IFITM10: variants seen among roughly 807,000 people sequenced by gnomAD.
IFITM10 encodes the protein interferon-induced transmembrane protein 10.
A neutral mutation model predicts 19.0 loss-of-function variants in IFITM10; 17 were observed. The observed-to-expected ratio is 0.90, with a 90% CI of 0.61 to 1.34. The LOEUF (loss-of-function observed/expected upper bound fraction) is 1.34. Among genes scored for constraint, IFITM10 ranks in the 40% most tolerant of loss-of-function variants. The probability of loss-of-function intolerance (pLI) is 0.00; values close to 1 mark genes in which losing one functional copy is unlikely to be tolerated. For synonymous variants in IFITM10, 148 were observed against 147.2 expected (o/e 1.01, Z -0.04); for missense variants, 306 against 319.8 (o/e 0.96, Z 0.33).
intron 2 of IFITM10, among the ~76,000 whole-genome samples, chr11:1,742,151 G>T (rs889996162): frequency 6.6e-6 from 1 of 152,204 alleles, no homozygotes; most frequent in Admixed American, 6.5e-5. Context: ...AGGAAAGATG[G>T]GATGGATGTG....
intron 2 of IFITM10, among the ~76,000 whole-genome samples, chr11:1,743,740 C>A (rs1358065173): frequency 6.6e-6 from 1 of 152,116 alleles, no homozygotes; most frequent in Non-Finnish European, 1.5e-5. Flanking sequence ...TCCTCTCCCA[C>A]CCCCATCCCC....
chr11:1,749,376 T>A (rs1156572773), intron 1 of IFITM10, among the ~76,000 whole-genome samples: 2 of 151,680 alleles, frequency 1.3e-5, no homozygotes, highest in Non-Finnish European at 1.5e-5. Context: ...GACCAGGGTG[T>A]CCGCGCCACC....
intron 2 of IFITM10, among the ~76,000 whole-genome samples, chr11:1,739,699 G>A (rs112379545): frequency 0.012 from 1,850 of 152,212 alleles, 39 homozygotes; most frequent in African/African-American, 0.042. Flanking sequence ...CGGTGGCCAG[G>A]GAAGACCTTG....
At chr11:1,739,734 G>T (rs1297650146) in intron 2 of IFITM10, among the ~76,000 whole-genome samples, 1 of 152,150 alleles carries the variant, frequency 6.6e-6, no homozygotes, top group Non-Finnish European at 1.5e-5. Context: ...TTTGAGGAAA[G>T]ATCGGAAGAA....
intron 2 of IFITM10, among the ~76,000 whole-genome samples, chr11:1,743,926 T>C (rs549338089): frequency 0.012 from 1,758 of 152,262 alleles, 35 homozygotes; most frequent in African/African-American, 0.039. Flanking sequence ...TTCAAACCCG[T>C]TCACCGCACT....
At chr11:1,735,682 G>A (rs1298682705) in intron 2 of IFITM10, among the ~76,000 whole-genome samples, 1 of 152,242 alleles carries the variant, frequency 6.6e-6, no homozygotes, top group Non-Finnish European at 1.5e-5. Flanking sequence ...AAGTAGGTGA[G>A]ATGTATTTAT....
chr11:1,735,349 A>G lies in IFITM10; in HGVS notation c.618T>C (p.Ser206=). 2 of 1,551,698 alleles carry G rather than the reference A, an allele frequency of 1.3e-6. No homozygotes were observed. Among genetic ancestry groups the G allele is most frequent in the Non-Finnish European group, 1.7e-6 (2 of 1,146,964 alleles). ...AKTARLFNIT[S]SALAASCIIL... ...TGATGCAGGAGGCTGCCAGGGCAGA[A>G]CTGGTGATGTTGAACAGCCGGGCCG... The change falls in exon 3 of 3, where the codon AGT becomes AGC. Residue 206 remains serine, a synonymous_variant. Coordinates refer to ENST00000340134, the MANE Select transcript of IFITM10 (RefSeq NM_001170820.4).
At position 1,750,481 on chromosome 11, in the gene IFITM10, C is replaced by T. The variant is rs570348339; in HGVS notation, c.-39G>A. The T allele has an allele frequency of 2.6e-6, 4 of 1,550,114 alleles. No individual in the cohort carries two copies. The African/African-American group carries it at 4.1e-5, about 16-fold the overall frequency. ...CCATCCTCCCATGAAACTCCTTTCT[C>T]CTCTGCCACTCTCAACTGGCCTCCT... is the stretch of plus-strand genomic sequence containing the variant. On this transcript the variant is annotated 5_prime_UTR_variant, in exon 1 of 3. Transcript: ENST00000340134.
chr11:1,749,992 G>A (rs1045089188), intron 1 of IFITM10, among the ~76,000 whole-genome samples: 5 of 152,042 alleles, frequency 3.3e-5, no homozygotes, highest in Admixed American at 1.3e-4. Context: ...AAAGTGTCCC[G>A]TTCCGAGCTC....
In IFITM10 at chr11:1,734,169, AG is replaced by A. The variant is rs1292824888; in HGVS notation, c.*1110del. ...CTCGCCGATGCCCTGCACTTTTCCT[AG>A]TGCACCCTCATCAGCTTGTCTTCAG... On this transcript the variant is annotated 3_prime_UTR_variant, in exon 3 of 3. Coordinates refer to ENST00000340134, the MANE Select transcript of IFITM10 (RefSeq NM_001170820.4). The A allele has an allele frequency of 6.6e-6, 1 of 152,198 alleles. No individual in the cohort carries two copies. The highest frequency in any genetic ancestry group is 2.4e-5 in the African/African-American group (1 of 41,346). The allele number at this position is 152,198 out of a possible 1,614,324, so 9.4% of individuals were successfully genotyped here. A position where few individuals can be genotyped will look rare whatever the true frequency, so the allele number is the denominator to read the frequency against.
At chr11:1,743,028 G>T (rs1418968320) in intron 2 of IFITM10, among the ~76,000 whole-genome samples, 1 of 150,294 alleles carries the variant, frequency 6.7e-6, no homozygotes. Flanking sequence ...ATGGATTGAG[G>T]GTGGATGGAT....
Position 1,734,299 on chromosome 11 carries a change from G to A in IFITM10, c.*981C>T, listed in dbSNP as rs1214496870. 4 of 152,208 alleles carry A rather than the reference G, an allele frequency of 2.6e-5. No individual in the cohort carries two copies. Among genetic ancestry groups the A allele is most frequent in the Admixed American group, 2.6e-4 (4 of 15,286 alleles). The allele number at this position is 152,208 out of a possible 1,614,324, so 9.4% of individuals were successfully genotyped here. A position where few individuals can be genotyped will look rare whatever the true frequency, so the allele number is the denominator to read the frequency against. On this transcript the variant is annotated 3_prime_UTR_variant, in exon 3 of 3. Transcript: ENST00000340134. ...GGACTGCACATGCCATGGGCCGTCAGGGCGCTGGCCTCGGCCTTTGAAAGG... is the reference window on the plus strand; with the variant it reads ...GGACTGCACATGCCATGGGCCGTCAAGGCGCTGGCCTCGGCCTTTGAAAGG...
chr11:1,745,352 T>C (rs1450668701), intron 2 of IFITM10: 1 of 152,240 alleles, frequency 6.6e-6, no homozygotes, highest in Non-Finnish European at 1.5e-5. Context: ...GAGGCAGAGC[T>C]CCACCAGCTG....
chr11:1,741,559 G>A (rs1205526843), intron 2 of IFITM10, among the ~76,000 whole-genome samples: 1 of 152,096 alleles, frequency 6.6e-6, no homozygotes, highest in Non-Finnish European at 1.5e-5. Flanking sequence ...GGGCTAGGTG[G>A]CCAGGCAGTT....
chr11:1,736,487 G>A (rs539092552), intron 2 of IFITM10, among the ~76,000 whole-genome samples: 8 of 152,258 alleles, frequency 5.3e-5, no homozygotes, highest in Admixed American at 3.9e-4. Flanking sequence ...AAAGAAGATA[G>A]AGGGAGTGGG....
intron 2 of IFITM10, among the ~76,000 whole-genome samples, chr11:1,741,267 A>T (rs1845567682): frequency 6.6e-6 from 1 of 151,974 alleles, no homozygotes; most frequent in Non-Finnish European, 1.5e-5. Context: ...TTAGGGAGTC[A>T]AAAGCAATTA....
intron 2 of IFITM10, among the ~76,000 whole-genome samples, chr11:1,739,507 A>G (rs1007490906): frequency 6.6e-5 from 10 of 152,224 alleles, no homozygotes; most frequent in African/African-American, 2.4e-4. Context: ...CGCAGCTTAC[A>G]TTGTAGGGAG....
chr11:1,740,233 T>C (rs570745359), intron 2 of IFITM10, among the ~76,000 whole-genome samples: 1 of 137,038 alleles, frequency 7.3e-6, no homozygotes, highest in Non-Finnish European at 1.5e-5. Context: ...TCAGGAGGCG[T>C]AGGTTGCAGT....
intron 2 of IFITM10, among the ~76,000 whole-genome samples, chr11:1,739,369 G>A (rs1044922811): frequency 3.9e-5 from 6 of 152,162 alleles, no homozygotes; most frequent in African/African-American, 1.4e-4. Flanking sequence ...ACCACTGGAT[G>A]GTAGATGGGT....
Sources: allele counts gnomAD v4.1 joint callset (sites outside exome capture counted in the v4.1 genomes callset), GRCh38; gene constraint gnomAD v4.1.1; transcripts MANE v1.5; gene names NCBI Gene and HGNC (gene_info 2026-07-23, HGNC 2026-07-21).